The following SNTG2 variants were observed in gnomAD, a reference collection of about 807,000 sequenced individuals.
The protein encoded by SNTG2 is syntrophin gamma 2.
Under a neutral mutation model 70.9 loss-of-function variants are expected in SNTG2, and 74 were observed. The observed-to-expected ratio is 1.04, with a 90% CI of 0.86 to 1.27. SNTG2 has a LOEUF of 1.27. Ranked by LOEUF, SNTG2 falls within the 50% of genes most tolerant of loss-of-function variation. The pLI is 0.00. For missense variants in SNTG2, 717 were observed against 690.7 expected (o/e 1.04, Z -0.43); for synonymous variants, 278 against 273.8 (o/e 1.02, Z -0.15).
intron 1 of SNTG2, among the ~76,000 whole-genome samples, chr2:956,993 C>A (rs752388911): frequency 9.9e-5 from 15 of 152,194 alleles, no homozygotes; most frequent in Admixed American, 2.6e-4. Context: ...TCAAGATTAT[C>A]CTTCATGACT....
intron 1 of SNTG2, among the ~76,000 whole-genome samples, chr2:965,914 C>T: frequency 6.6e-6 from 1 of 152,114 alleles, no homozygotes; most frequent in South Asian, 2.1e-4. Context: ...GACCCTGGAC[C>T]CACAGAGACC....
At chr2:1,284,071 T>A (rs887350477) in intron 14 of SNTG2, among the ~76,000 whole-genome samples, 1 of 152,298 alleles carries the variant, frequency 6.6e-6, no homozygotes, top group South Asian at 2.1e-4. Flanking sequence ...TGTGAGCTCC[T>A]GTGAATCTCC....
intron 9 of SNTG2, among the ~76,000 whole-genome samples, chr2:1,220,532 G>T (rs540318669): frequency 6.6e-6 from 1 of 152,310 alleles, no homozygotes; most frequent in Non-Finnish European, 1.5e-5. Flanking sequence ...GTGGGACTCT[G>T]TGTTTTTCAG....
chr2:1,087,307 A>C (rs943294071), intron 2 of SNTG2, among the ~76,000 whole-genome samples: 4 of 152,202 alleles, frequency 2.6e-5, no homozygotes, highest in Non-Finnish European at 5.9e-5. Flanking sequence ...TCTTCCCAGA[A>C]GAGTTCGTGT....
At position 1,267,500 on chromosome 2, in the gene SNTG2, C is replaced by G; in HGVS notation, c.1213C>G (p.Leu405Val). ...GAAGAGCCATGTTTTCAACGTGGAG[C>G]TTGGCAGCGAGCTGGCCATGTGGGA... ...HGKSHVFNVE[L>V]GSELAMWEKS... Residue 405 changes from leucine to valine, a missense_variant, in exon 14 of 17, where the codon CTT becomes GTT. Transcript: ENST00000308624. The G allele has an allele frequency of 6.2e-7, 1 of 1,613,934 alleles. No individual in the cohort carries two copies. Among genetic ancestry groups the G allele is most frequent in the Non-Finnish European group, 8.5e-7 (1 of 1,179,904 alleles).
chr2:1,177,494 T>TA (rs200179345), intron 8 of SNTG2, among the ~76,000 whole-genome samples: 42,612 of 142,880 alleles, frequency 0.3, 6,333 homozygotes, highest in East Asian at 0.45. Context: ...AAATAAAAAT[T>TA]AAAAAAAAAA....
In SNTG2 at chr2:1,247,551, G is replaced by A. The variant is rs1467995363; in HGVS notation, c.1005+108G>A. Reference sequence around the variant, plus strand: ...TGGAGGAGGACAGACAGAGTGCTTGGTCCTGCCGTTTGCTGTTTCTGCATG... The same window carrying A: ...TGGAGGAGGACAGACAGAGTGCTTGATCCTGCCGTTTGCTGTTTCTGCATG... On this transcript the variant is annotated intron_variant, in intron 12 of 16. Coordinates refer to ENST00000308624, the MANE Select transcript of SNTG2 (RefSeq NM_018968.4). 5.4e-6 allele frequency: 4 copies of A among 743,108 alleles called. No homozygotes were observed. In the African/African-American group the frequency reaches 7.0e-5, roughly 13 times the overall value. The allele number at this position is 743,108 out of a possible 1,614,324, so 46.0% of individuals were successfully genotyped here.
intron 1 of SNTG2, among the ~76,000 whole-genome samples, chr2:957,701 C>T (rs775098337): frequency 9.2e-5 from 14 of 151,456 alleles, no homozygotes; most frequent in African/African-American, 9.8e-5. Flanking sequence ...ACATGGAAGG[C>T]GAGACTGGTA....
chr2:1,152,499 A>G (rs143535038), intron 6 of SNTG2, among the ~76,000 whole-genome samples: 28 of 152,242 alleles, frequency 1.8e-4, no homozygotes, highest in African/African-American at 6.5e-4. Context: ...GGATGCGTAT[A>G]TTCGGTGTGT....
intron 16 of SNTG2, among the ~76,000 whole-genome samples, chr2:1,318,497 C>T (rs1681386621): frequency 6.6e-6 from 1 of 152,242 alleles, no homozygotes; most frequent in South Asian, 2.1e-4. Flanking sequence ...GCAGATGGTA[C>T]AGACACTGTG....
At chr2:1,087,113 G>A (rs1373628743) in intron 2 of SNTG2, among the ~76,000 whole-genome samples, 3 of 152,270 alleles carry the variant, frequency 2.0e-5, no homozygotes, top group Non-Finnish European at 2.9e-5. Context: ...GGGCTGACAA[G>A]TCTACGTAAG....
intron 6 of SNTG2, among the ~76,000 whole-genome samples, chr2:1,155,120 TA>T (rs1558465143): frequency 7.3e-6 from 1 of 136,582 alleles, no homozygotes. Flanking sequence ...CACCCACATA[TA>T]CATACAACAC....
At chr2:1,256,784 C>T (rs1183587067) in intron 12 of SNTG2, among the ~76,000 whole-genome samples, 4 of 152,068 alleles carry the variant, frequency 2.6e-5, no homozygotes, top group Non-Finnish European at 5.9e-5. Context: ...CACATGAAGT[C>T]ACCTGAGCTG....
intron 1 of SNTG2, among the ~76,000 whole-genome samples, chr2:959,050 G>C (rs1044056930): frequency 6.6e-6 from 1 of 152,044 alleles, no homozygotes; most frequent in Non-Finnish European, 1.5e-5. Context: ...AAATGAAATA[G>C]AACAAATTGT....
chr2:981,526 T>C (rs1558292017), intron 1 of SNTG2, among the ~76,000 whole-genome samples: 2 of 151,734 alleles, frequency 1.3e-5, no homozygotes, highest in African/African-American at 4.9e-5. Context: ...TCACACATGT[T>C]CCAAACTCAT....
chr2:1,021,520 A>C (rs758390369), intron 1 of SNTG2, among the ~76,000 whole-genome samples: 1 of 152,136 alleles, frequency 6.6e-6, no homozygotes, highest in African/African-American at 2.4e-5. Context: ...TATATTTTAA[A>C]ATTTTGTTTA....
intron 16 of SNTG2, among the ~76,000 whole-genome samples, chr2:1,360,020 A>T (rs4438528): frequency 0.72 from 109,766 of 152,062 alleles, 39,917 homozygotes; most frequent in East Asian, 0.94. Flanking sequence ...TTTACATTTA[A>T]GGGCACTGAA....
At chr2:1,081,973 G>A (rs1664347368) in intron 1 of SNTG2, among the ~76,000 whole-genome samples, 1 of 152,238 alleles carries the variant, frequency 6.6e-6, no homozygotes, top group Admixed American at 6.5e-5. Context: ...ATGCAATGCA[G>A]TGGGGCACAC....
intron 9 of SNTG2, among the ~76,000 whole-genome samples, chr2:1,215,398 T>G (rs1384574698): frequency 6.6e-6 from 1 of 152,162 alleles, no homozygotes; most frequent in Non-Finnish European, 1.5e-5. Flanking sequence ...TTTATTATTT[T>G]TGTTAATTAT....
Sources: gnomAD v4.1 joint callset for allele counts (sites outside exome capture counted in the v4.1 genomes callset) on GRCh38, gnomAD v4.1.1 for gene constraint, MANE v1.5 for transcripts, NCBI Gene and HGNC (gene_info 2026-07-23, HGNC 2026-07-21) for gene names.